Variants in PDZRN3 observed in about 807,000 individuals in gnomAD.
The protein encoded by PDZRN3 is PDZ domain containing ring finger 3.
In PDZRN3, 38 loss-of-function variants were observed where a neutral mutation model predicts 85.7. The observed-to-expected ratio is 0.44, with a 90% CI of 0.34 to 0.58. The LOEUF is 0.58. Ranked by LOEUF, PDZRN3 falls within the 20% of genes least tolerant of loss-of-function variation. The pLI is 0.01. For synonymous variants in PDZRN3, 759 were observed against 638.0 expected (o/e 1.19, Z -2.86); for missense variants, 1,629 against 1,506.4 (o/e 1.08, Z -1.35).
chr3:73,410,145 C>G (rs1376415622), intron 3 of PDZRN3, among the ~76,000 whole-genome samples: 1 of 152,070 alleles, frequency 6.6e-6, no homozygotes, highest in African/African-American at 2.4e-5. Flanking sequence ...ACACTATATA[C>G]TGAAAAGTAA....
chr3:73,543,167 A>G (rs968627916), intron 3 of PDZRN3, among the ~76,000 whole-genome samples: 2 of 152,228 alleles, frequency 1.3e-5, no homozygotes, highest in African/African-American at 4.8e-5. Flanking sequence ...TGCCAAGACA[A>G]ACAGCATCCA....
chr3:73,442,230 T>C (rs1352766958), intron 3 of PDZRN3, among the ~76,000 whole-genome samples: 3 of 152,244 alleles, frequency 2.0e-5, no homozygotes, highest in South Asian at 2.1e-4. Context: ...GCAGGACAGA[T>C]GGTAGAAACC....
At chr3:73,485,322 T>C (rs1056497930) in intron 3 of PDZRN3, among the ~76,000 whole-genome samples, 5 of 149,126 alleles carry the variant, frequency 3.4e-5, no homozygotes, top group African/African-American at 1.2e-4. Flanking sequence ...TTTTATAATA[T>C]TAATATTTAT....
At chr3:73,400,702 A>G (rs531567843) in intron 5 of PDZRN3, among the ~76,000 whole-genome samples, 1 of 152,350 alleles carries the variant, frequency 6.6e-6, no homozygotes, top group African/African-American at 2.4e-5. Flanking sequence ...AAATTAAAAA[A>G]AGTTTACATT....
chr3:73,506,186 G>A lies in PDZRN3; in HGVS notation c.918+96168C>T, dbSNP rs533626183. On this transcript the variant is annotated intron_variant, in intron 3 of 9. Coordinates refer to ENST00000263666, the MANE Select transcript of PDZRN3 (RefSeq NM_015009.3). ...TAAGCAGAATAACAGGGTGCAGGTG[G>A]TACCTCAGGGCTGAGAGAGCACAGG... 2.0e-5 allele frequency among the ~76,000 whole-genome samples: 3 copies of A among 152,286 alleles called. No individual in the cohort carries two copies. In the South Asian group the frequency reaches 6.2e-4, roughly 32 times the overall value.
intron 3 of PDZRN3, among the ~76,000 whole-genome samples, chr3:73,593,751 C>A (rs895343157): frequency 1.8e-4 from 26 of 142,398 alleles, no homozygotes; most frequent in Non-Finnish European, 3.8e-4. Flanking sequence ...CACACACACA[C>A]ACTTTGGAGA....
At chr3:73,559,406 G>T (rs1429550539) in intron 3 of PDZRN3, among the ~76,000 whole-genome samples, 1 of 148,794 alleles carries the variant, frequency 6.7e-6, no homozygotes, top group Non-Finnish European at 1.5e-5. Context: ...GACGTTAAAT[G>T]AGGTCTAATC....
At chr3:73,434,337 T>C (rs776205691) in intron 3 of PDZRN3, among the ~76,000 whole-genome samples, 49 of 152,342 alleles carry the variant, frequency 3.2e-4, no homozygotes, top group Admixed American at 9.8e-4. Context: ...CAGATAATGA[T>C]GGCATATAAA....
At position 73,595,098 on chromosome 3, in the gene PDZRN3, T is replaced by C. The variant is rs571958841; in HGVS notation, c.918+7256A>G. ...ACACCATAATCCAAGGTGATGTCAT[T>C]GTCGTTATGTATACTGAAATTGATA... On this transcript the variant is annotated intron_variant, in intron 3 of 9. Coordinates refer to ENST00000263666, the MANE Select transcript of PDZRN3 (RefSeq NM_015009.3). 1.4e-4 allele frequency among the ~76,000 whole-genome samples: 22 copies of C among 152,280 alleles called. No individual in the cohort carries two copies. In the South Asian group the frequency reaches 3.1e-3, roughly 22 times the overall value.
At chr3:73,544,482 T>C (rs919127474) in intron 3 of PDZRN3, among the ~76,000 whole-genome samples, 1 of 152,200 alleles carries the variant, frequency 6.6e-6, no homozygotes. Flanking sequence ...TAAGGTATGC[T>C]AGTTGATATG....
intron 1 of PDZRN3, among the ~76,000 whole-genome samples, chr3:73,622,361 A>T (rs759562757): frequency 6.6e-6 from 1 of 152,226 alleles, no homozygotes; most frequent in African/African-American, 2.4e-5. Context: ...AGAGAGGCAA[A>T]GCAGACACAG....
At chr3:73,456,375 T>C (rs901734742) in intron 3 of PDZRN3, among the ~76,000 whole-genome samples, 2 of 152,180 alleles carry the variant, frequency 1.3e-5, no homozygotes, top group Non-Finnish European at 2.9e-5. Flanking sequence ...CTAAACAAAG[T>C]CCCAAGTGAG....
At chr3:73,523,904 G>A (rs370427191) in intron 3 of PDZRN3, among the ~76,000 whole-genome samples, 5 of 152,312 alleles carry the variant, frequency 3.3e-5, no homozygotes, top group South Asian at 2.1e-4. Context: ...AGTAGAGAAC[G>A]CATTCACTGA....
At chr3:73,408,065 AAAC>A (rs1462905619) in intron 3 of PDZRN3, 1 of 670,980 alleles carries the variant, frequency 1.5e-6, no homozygotes, top group Non-Finnish European at 2.7e-6. Context: ...GTGCCCAAGA[AAAC>A]AATTTTAGTA....
intron 3 of PDZRN3, among the ~76,000 whole-genome samples, chr3:73,546,861 T>C (rs1701434025): frequency 6.6e-6 from 1 of 152,220 alleles, no homozygotes; most frequent in Non-Finnish European, 1.5e-5. Flanking sequence ...GAGCGGATGA[T>C]TTTTTATTAC....
intron 1 of PDZRN3, among the ~76,000 whole-genome samples, chr3:73,618,805 ATCCTAATTT>A (rs1480194554): frequency 2.0e-5 from 3 of 152,238 alleles, no homozygotes; most frequent in Non-Finnish European, 4.4e-5. Flanking sequence ...TGTAAAACAA[ATCCTAATTT>A]TCCTTATAAA....
chr3:73,558,253 A>G (rs995105732), intron 3 of PDZRN3, among the ~76,000 whole-genome samples: 2 of 151,322 alleles, frequency 1.3e-5, no homozygotes, highest in African/African-American at 4.9e-5. Flanking sequence ...GCATATCTGG[A>G]AAGTCAGCAG....
intron 3 of PDZRN3, among the ~76,000 whole-genome samples, chr3:73,589,148 C>T (rs546217456): frequency 6.6e-6 from 1 of 151,910 alleles, no homozygotes; most frequent in South Asian, 2.1e-4. Context: ...CCTGGGTTCA[C>T]GCCATTCTGC....
At chr3:73,547,568 G>C (rs1180827450) in intron 3 of PDZRN3, among the ~76,000 whole-genome samples, 1 of 152,198 alleles carries the variant, frequency 6.6e-6, no homozygotes, top group African/African-American at 2.4e-5. Flanking sequence ...GTGGCCATCT[G>C]GCCCTATCAG....
Sources: allele counts gnomAD v4.1 joint callset (sites outside exome capture counted in the v4.1 genomes callset), GRCh38; gene constraint gnomAD v4.1.1; transcripts MANE v1.5; gene names NCBI Gene and HGNC (gene_info 2026-07-23, HGNC 2026-07-21).